Variants in RBM26 observed in about 807,000 individuals in gnomAD.
RBM26 encodes RNA-binding protein 26.
In RBM26, 30 loss-of-function variants were observed where a neutral mutation model predicts 123.6. That is an observed-to-expected ratio of 0.24 (90% CI 0.18 to 0.33). RBM26 has a LOEUF of 0.33. RBM26 is among the 10% of genes least tolerant of loss of function. The probability of loss-of-function intolerance (pLI) is 1.00; values close to 1 mark genes in which losing one functional copy is unlikely to be tolerated. For missense variants in RBM26, 947 were observed against 1,203.6 expected, an observed-to-expected ratio of 0.79 and a Z score of 3.15; for synonymous variants, 400 against 404.4, an observed-to-expected ratio of 0.99 and a Z score of 0.13.
intron 5 of RBM26, among the ~76,000 whole-genome samples, chr13:79,370,052 A>AT (rs2075721815): frequency 6.6e-6 from 1 of 152,112 alleles, no homozygotes; most frequent in Admixed American, 6.5e-5. Context: ...GCTCAGGCCT[A>AT]TAATCCCAGC....
rs773474496 is a variant in RBM26, at chr13:79,355,374, T to C, written c.1700A>G (p.Asn567Ser). Residue 567 changes from asparagine (N) to serine (S), a missense_variant, in exon 12 of 22, where the codon AAT (asparagine) becomes AGT (serine). Coordinates refer to ENST00000438737, the MANE Select transcript of RBM26 (RefSeq NM_001366735.2). ...GATTAGGGCACCTTCAGGATCACCA[T>C]TATAAGCAACCTAAGATTTAAAATA... is the stretch of plus-strand genomic sequence containing the variant. Reference protein sequence around the residue: ...GTLVNLQVAYNGDPEGALIQF... With the variant: ...GTLVNLQVAYSGDPEGALIQF... The C allele has an allele frequency of 1.2e-6, 2 of 1,612,750 alleles. No individual in the cohort carries two copies. The highest frequency in any genetic ancestry group is 1.1e-5 in the South Asian group (1 of 90,994).
intron 16 of RBM26, 85 bp downstream of exon 16, chr13:79,344,163 C>A (rs2139187804): frequency 1.2e-6 from 1 of 862,674 alleles, no homozygotes; most frequent in South Asian, 1.4e-5. Flanking sequence ...TATAGTAAAT[C>A]TTTTTATGAC....
intron 20 of RBM26, among the ~76,000 whole-genome samples, chr13:79,323,350 T>C (rs563663059): frequency 6.6e-6 from 1 of 151,768 alleles, no homozygotes; most frequent in East Asian, 1.9e-4. Flanking sequence ...AGTTGTGTGG[T>C]ATTAAAATCC....
Position 79,337,300 on chromosome 13 carries a change from A to C in RBM26, c.2535T>G (p.Ala845=), listed in dbSNP as rs150357035. ...CAGATGAAAGAATCCCTCGTTTGGC[A>C]GCCTAGAAGAGATTAGACACACAGG... ...RRKYTELQLE[A]AKRGILSSGR... Residue 845 remains alanine (A), a splice_region_variant and synonymous_variant, in exon 19 of 22, where the codon GCT becomes GCG. Transcript: ENST00000438737. 7.7e-5 allele frequency: 125 copies of C among 1,614,136 alleles called. No homozygotes were observed. In the African/African-American group the frequency reaches 1.4e-3, roughly 18 times the overall value.
chr13:79,376,693 T>C (rs555141643), intron 3 of RBM26: 1 of 152,324 alleles, frequency 6.6e-6, no homozygotes, highest in African/African-American at 2.4e-5. Flanking sequence ...ACTAAATACA[T>C]GTATGACAAA....
At chr13:79,386,417 T>TAA (rs5805029) in intron 1 of RBM26, among the ~76,000 whole-genome samples, 33 of 132,352 alleles carry the variant, frequency 2.5e-4, no homozygotes, top group Admixed American at 9.7e-4. Flanking sequence ...CTAAATTAAA[T>TAA]AAAAAAAAAA....
chr13:79,395,288 G>A (rs2078459597), intron 1 of RBM26, among the ~76,000 whole-genome samples: 1 of 152,118 alleles, frequency 6.6e-6, no homozygotes, highest in African/African-American at 2.4e-5. Context: ...AAATGCTAAA[G>A]AATTTACTGG....
At chr13:79,339,310 G>C (rs985889162) in intron 18 of RBM26, among the ~76,000 whole-genome samples, 2 of 152,130 alleles carry the variant, frequency 1.3e-5, no homozygotes, top group Non-Finnish European at 2.9e-5. Flanking sequence ...GTTTCAGTCA[G>C]ATAGGAAGAG....
chr13:79,391,526 C>T (rs1468766487), intron 1 of RBM26, among the ~76,000 whole-genome samples: 5 of 152,136 alleles, frequency 3.3e-5, no homozygotes, highest in Non-Finnish European at 7.4e-5. Context: ...TGGGTTCAAG[C>T]AATTCTCCTG....
At chr13:79,382,476 C>A (rs555338179) in intron 1 of RBM26, among the ~76,000 whole-genome samples, 13 of 152,218 alleles carry the variant, frequency 8.5e-5, no homozygotes, top group African/African-American at 3.1e-4. Context: ...TTAGCTCCCA[C>A]AAACAACAAA....
chr13:79,380,349 G>A (rs2076983138), intron 1 of RBM26, among the ~76,000 whole-genome samples: 1 of 151,974 alleles, frequency 6.6e-6, no homozygotes, highest in South Asian at 2.1e-4. Context: ...CAAAGAAAAG[G>A]TTTGTATAGT....
rs922640887 is a variant in RBM26 at position 79,319,389 on chromosome 13, C to T, written c.*1232G>A. 2.0e-6 allele frequency: 2 copies of T among 984,228 alleles called. No individual in the cohort carries two copies. Among genetic ancestry groups the T allele is most frequent in the African/African-American group, 3.5e-5 (2 of 57,066 alleles). The allele number at this position is 984,228 out of a possible 1,614,324, so 61.0% of individuals were successfully genotyped here. Reference sequence around the variant, plus strand: ...ATTCTACAAAGAATGCATTTATTTCCTGGAAACTGCCATATCAACTTTCAA... The same window carrying T: ...ATTCTACAAAGAATGCATTTATTTCTTGGAAACTGCCATATCAACTTTCAA... On this transcript the variant is annotated 3_prime_UTR_variant, in exon 22 of 22. Transcript: ENST00000438737.
chr13:79,346,704 G>C (rs564544283), intron 14 of RBM26, among the ~76,000 whole-genome samples: 4 of 152,330 alleles, frequency 2.6e-5, no homozygotes, highest in South Asian at 2.1e-4. Context: ...TTTGTGGTCA[G>C]ACTTCAGTGA....
intron 14 of RBM26, among the ~76,000 whole-genome samples, chr13:79,347,527 A>G (rs550664050): frequency 6.6e-6 from 1 of 152,312 alleles, no homozygotes; most frequent in African/African-American, 2.4e-5. Flanking sequence ...AACGAGCCCA[A>G]CAGAAAAGAA....
chr13:79,389,798 CAAGAA>C (rs1210620186), intron 1 of RBM26, among the ~76,000 whole-genome samples: 2 of 152,070 alleles, frequency 1.3e-5, no homozygotes, highest in Non-Finnish European at 2.9e-5. Context: ...TTAAATAATT[CAAGAA>C]AATAAGCTTT....
At chr13:79,332,179 A>G (rs2069543715) in intron 20 of RBM26, among the ~76,000 whole-genome samples, 2 of 152,198 alleles carry the variant, frequency 1.3e-5, no homozygotes, top group African/African-American at 4.8e-5. Flanking sequence ...GACAGTAAAC[A>G]TTGGCAAGGG....
chr13:79,376,797 G>A (rs577564696), intron 3 of RBM26: 1 of 152,442 alleles, frequency 6.6e-6, no homozygotes, highest in South Asian at 2.1e-4. Context: ...AAGCAGGCCT[G>A]ACAATACTAA....
chr13:79,328,726 T>C (rs1359853313), intron 20 of RBM26, among the ~76,000 whole-genome samples: 3 of 67,074 alleles, frequency 4.5e-5, no homozygotes, highest in South Asian at 4.5e-4. Flanking sequence ...AGCAAAATAA[T>C]AGAATGGGCA....
rs567500422 is a variant in RBM26, at chr13:79,376,871, A to G, written c.327+508T>C. On this transcript the variant is annotated intron_variant, in intron 3 of 21. Transcript: ENST00000438737. ...GCACTTTGATTTCTCGAGGGTTCCC[A>G]TTACCCCCTGATAAGGAATGGTTCA... 7 of 152,722 alleles carry G rather than the reference A, an allele frequency of 4.6e-5. 2 individuals are homozygous for G. Among genetic ancestry groups the G allele is most frequent in the African/African-American group, 1.7e-4 (7 of 41,570 alleles). The allele number at this position is 152,722 out of a possible 1,614,324, so 9.5% of individuals were successfully genotyped here. A position where few individuals can be genotyped will look rare whatever the true frequency, so the allele number is the denominator to read the frequency against.
Sources: allele counts gnomAD v4.1 joint callset (sites outside exome capture counted in the v4.1 genomes callset), GRCh38; gene constraint gnomAD v4.1.1; transcripts MANE v1.5; gene names NCBI Gene and HGNC (gene_info 2026-07-23, HGNC 2026-07-21).